The following WWOX variants were observed in gnomAD, a reference collection of about 807,000 sequenced individuals.
The protein encoded by WWOX is WW domain containing oxidoreductase, also known as WW domain-containing oxidoreductase.
A neutral mutation model predicts 46.2 loss-of-function variants in WWOX; 69 were observed. That is an observed-to-expected ratio of 1.49 (90% CI 1.23 to 1.82). The LOEUF is 1.82. WWOX is among the 40% of genes most tolerant of loss of function. The pLI is 0.00. For missense variants in WWOX, 919 were observed against 542.6 expected (o/e 1.69, Z -6.89); for synonymous variants, 359 against 202.6 (o/e 1.77, Z -6.56).
At chr16:78,601,296 C>T (rs1828518) in intron 8 of WWOX, among the ~76,000 whole-genome samples, 115,174 of 151,554 alleles carry the variant, frequency 0.76, 44,093 homozygotes, top group Non-Finnish European at 0.81. Flanking sequence ...AAGCAAGTTG[C>T]AAACTCTGAA....
chr16:78,989,245 G>T (rs547536882), intron 8 of WWOX, among the ~76,000 whole-genome samples: 1 of 152,160 alleles, frequency 6.6e-6, no homozygotes, highest in Non-Finnish European at 1.5e-5. Context: ...CTCTTCGGGT[G>T]GTTCTAAGAA....
At chr16:78,411,701 A>G (rs559313426) in intron 6 of WWOX, among the ~76,000 whole-genome samples, 17 of 152,340 alleles carry the variant, frequency 1.1e-4, no homozygotes, top group Middle Eastern at 3.4e-3. Context: ...GTATTCATAA[A>G]AAGTCAAGTG....
At chr16:78,796,315 C>T (rs922425586) in intron 8 of WWOX, among the ~76,000 whole-genome samples, 8 of 152,222 alleles carry the variant, frequency 5.3e-5, no homozygotes, top group African/African-American at 1.9e-4. Context: ...GCCTCCAAAT[C>T]CTCTGCTGGA....
intron 8 of WWOX, among the ~76,000 whole-genome samples, chr16:78,840,309 A>G (rs1253731474): frequency 1.3e-5 from 2 of 152,100 alleles, no homozygotes; most frequent in South Asian, 2.1e-4. Context: ...GTCTTGTTCT[A>G]GTTTTGAAGA....
chr16:78,393,190 A>T (rs2082213057), intron 6 of WWOX, among the ~76,000 whole-genome samples: 1 of 152,116 alleles, frequency 6.6e-6, no homozygotes, highest in African/African-American at 2.4e-5. Flanking sequence ...CAGACCAAAT[A>T]TTGGGGTTTT....
chr16:79,011,503 ATTTT>A lies in WWOX; in HGVS notation c.1057-200102_1057-200099del, dbSNP rs879278662. On this transcript the variant is annotated intron_variant, in intron 8 of 8. Transcript: ENST00000566780. ...TATTTATTTATTTATTTATTTATTTATTTTTTGAGACAGGGTCTTAATCTGTCCC... is the reference window on the plus strand; with the variant it reads ...TATTTATTTATTTATTTATTTATTTATTGAGACAGGGTCTTAATCTGTCCC... Among the ~76,000 whole-genome samples, 681 of 124,494 alleles carry A rather than the reference ATTTT, an allele frequency of 5.5e-3. 4 individuals are homozygous for A. Among genetic ancestry groups the A allele is most frequent in the Non-Finnish European group, 7.1e-3 (390 of 55,192 alleles). The allele number at this position is 124,494 out of a possible 152,430, so 81.7% of individuals were successfully genotyped here.
At chr16:79,013,431 T>C (rs1256836314) in intron 8 of WWOX, among the ~76,000 whole-genome samples, 1 of 152,088 alleles carries the variant, frequency 6.6e-6, no homozygotes, top group Admixed American at 6.5e-5. Context: ...CCTGGAGTTA[T>C]TTTTTTCCCT....
rs140694918 is a variant in WWOX, at chr16:78,451,085, G to A, written c.1056+18333G>A. On this transcript the variant is annotated intron_variant, in intron 8 of 8. Coordinates refer to ENST00000566780, the MANE Select transcript of WWOX (RefSeq NM_016373.4). Reference sequence around the variant, plus strand: ...CTTAAGCTTGTTTATTGCATCTTCCGATGTCACATTATCTCATTGCCAAGC... The same window carrying A: ...CTTAAGCTTGTTTATTGCATCTTCCAATGTCACATTATCTCATTGCCAAGC... 6.4e-4 allele frequency among the ~76,000 whole-genome samples: 98 copies of A among 152,218 alleles called. 1 individual carries two copies. The highest frequency in any genetic ancestry group is 1.1e-3 in the Non-Finnish European group (74 of 68,014).
chr16:79,021,122 A>T (rs1420324684), intron 8 of WWOX, among the ~76,000 whole-genome samples: 1 of 152,198 alleles, frequency 6.6e-6, no homozygotes, highest in Non-Finnish European at 1.5e-5. Flanking sequence ...GGCCAGTACA[A>T]GGCCATTATA....
At chr16:78,432,372 C>T (rs995930791) in intron 7 of WWOX, 116 bp from the exon 8 acceptor site, 3 of 1,404,598 alleles carry the variant, frequency 2.1e-6, no homozygotes, top group Admixed American at 1.7e-5. Flanking sequence ...TCCCAAAGTG[C>T]TCGGATTACA....
chr16:78,788,297 T>C (rs1215533952), intron 8 of WWOX, among the ~76,000 whole-genome samples: 1 of 151,874 alleles, frequency 6.6e-6, no homozygotes, highest in East Asian at 1.9e-4. Context: ...CTCATAGCCC[T>C]TGTTGCAGTC....
rs1465890814 is a variant in WWOX at position 78,559,797 on chromosome 16, C to T, written c.1056+127045C>T. 2.6e-5 allele frequency among the ~76,000 whole-genome samples: 4 copies of T among 152,204 alleles called. No homozygotes were observed. The East Asian group carries it at 5.8e-4, about 22-fold the overall frequency. On this transcript the variant is annotated intron_variant, in intron 8 of 8. Coordinates refer to ENST00000566780, the MANE Select transcript of WWOX (RefSeq NM_016373.4). ...TTGCAGAAATGGACAGGACAATTCT[C>T]AGCCCATTCATCTTACAGACCTCAA...
rs550056695 is a variant in WWOX at position 79,154,786 on chromosome 16, A to G, written c.1057-56822A>G. Among the ~76,000 whole-genome samples, 4 of 152,292 alleles carry G rather than the reference A, an allele frequency of 2.6e-5. No homozygotes were observed. The East Asian group carries it at 7.7e-4, about 29-fold the overall frequency. ...TTGAGTCTGAAGATAACCATTTTTT[A>G]GGTCCTCATGAACCTCTGAGCATGA... On this transcript the variant is annotated intron_variant, in intron 8 of 8. Coordinates refer to ENST00000566780, the MANE Select transcript of WWOX (RefSeq NM_016373.4).
intron 8 of WWOX, among the ~76,000 whole-genome samples, chr16:79,094,801 G>A (rs1332056929): frequency 1.3e-5 from 2 of 152,132 alleles, no homozygotes; most frequent in African/African-American, 4.8e-5. Context: ...AACGAGAAGA[G>A]AATGACAGTG....
chr16:78,764,863 T>G (rs7199337), intron 8 of WWOX, among the ~76,000 whole-genome samples: 1 of 151,778 alleles, frequency 6.6e-6, no homozygotes, highest in African/African-American at 2.4e-5. Context: ...GAGTTTACTA[T>G]GGATATAACA....
chr16:79,179,160 C>T (rs979922428), intron 8 of WWOX, among the ~76,000 whole-genome samples: 1 of 152,172 alleles, frequency 6.6e-6, no homozygotes, highest in East Asian at 1.9e-4. Flanking sequence ...CTGGAAGGGA[C>T]ATAATTAAAA....
intron 6 of WWOX, among the ~76,000 whole-genome samples, chr16:78,414,654 A>G (rs2082758919): frequency 6.6e-6 from 1 of 152,244 alleles, no homozygotes; most frequent in African/African-American, 2.4e-5. Flanking sequence ...ATCTGCATGA[A>G]TAATTGAGAA....
In WWOX at chr16:78,366,969, A is replaced by ATTTT. The variant is rs544239767; in HGVS notation, c.517-19866_517-19863dup. ...TTTTTTTTTGTATCACAAAAGTTAC[A>ATTTT]TTTTTTTTTTTTTTTTTTTTTTTTT... On this transcript the variant is annotated intron_variant, in intron 5 of 8. Coordinates refer to ENST00000566780, the MANE Select transcript of WWOX (RefSeq NM_016373.4). 2.4e-4 allele frequency among the ~76,000 whole-genome samples: 18 copies of ATTTT among 74,242 alleles called. 2 individuals carry two copies. Among genetic ancestry groups the ATTTT allele is most frequent in the African/African-American group, 9.4e-4 (16 of 17,018 alleles). The allele number at this position is 74,242 out of a possible 152,430, so 48.7% of individuals were successfully genotyped here. A position where few individuals can be genotyped will look rare whatever the true frequency, so the allele number is the denominator to read the frequency against.
At chr16:78,157,668 G>A (rs1280030601) in intron 4 of WWOX, among the ~76,000 whole-genome samples, 1 of 152,182 alleles carries the variant, frequency 6.6e-6, no homozygotes, top group Admixed American at 6.5e-5. Context: ...ATAATTTCAG[G>A]TTGTCTCAGC....
Sources: allele counts gnomAD v4.1 joint callset (sites outside exome capture counted in the v4.1 genomes callset), GRCh38; gene constraint gnomAD v4.1.1; transcripts MANE v1.5; gene names NCBI Gene and HGNC (gene_info 2026-07-23, HGNC 2026-07-21).